CBFA2T2: variants seen among roughly 807,000 people sequenced by gnomAD.
The protein encoded by CBFA2T2 is protein CBFA2T2.
CBFA2T2 carries 11 observed loss-of-function variants against 62.2 expected under a neutral mutation model. The ratio of observed to expected loss-of-function variants is 0.18; its 90% CI spans 0.11 to 0.29. The LOEUF is 0.29. CBFA2T2 is among the 10% of genes least tolerant of loss of function. The pLI, the probability that CBFA2T2 is intolerant of heterozygous loss-of-function variation, is 1.00. For missense variants in CBFA2T2, 592 were observed against 774.1 expected (o/e 0.76, Z 2.79); for synonymous variants, 295 against 287.5 (o/e 1.03, Z -0.27).
intron 1 of CBFA2T2, among the ~76,000 whole-genome samples, chr20:33,523,365 T>TG (rs1284166433): frequency 2.0e-5 from 3 of 152,002 alleles, no homozygotes; most frequent in African/African-American, 7.2e-5. Flanking sequence ...CTGCAACCTC[T>TG]GCCTCCTGGG....
chr20:33,524,837 C>CT (rs1245337105), intron 1 of CBFA2T2, among the ~76,000 whole-genome samples: 3 of 151,780 alleles, frequency 2.0e-5, no homozygotes, highest in African/African-American at 4.8e-5. Flanking sequence ...TGACAAATAG[C>CT]TTTTTTTTGT....
At chr20:33,573,031 G>C (rs2013638848) in intron 1 of CBFA2T2, among the ~76,000 whole-genome samples, 1 of 152,110 alleles carries the variant, frequency 6.6e-6, no homozygotes, top group African/African-American at 2.4e-5. Flanking sequence ...ATTGAATGTT[G>C]AGAGGGAGAG....
intron 10 of CBFA2T2, among the ~76,000 whole-genome samples, chr20:33,643,795 ATATATATATATAT>A (rs2016942269): frequency 8.9e-5 from 2 of 22,366 alleles, no homozygotes; most frequent in African/African-American, 2.0e-4. Flanking sequence ...ATATATATAT[ATATATATATATAT>A]ATATATATAG....
At chr20:33,507,832 T>G (rs936149313) in intron 1 of CBFA2T2, among the ~76,000 whole-genome samples, 1 of 152,152 alleles carries the variant, frequency 6.6e-6, no homozygotes, top group African/African-American at 2.4e-5. Context: ...GTAGAACTGC[T>G]GGGGTTAAGG....
intron 1 of CBFA2T2, among the ~76,000 whole-genome samples, chr20:33,568,562 C>T (rs911196933): frequency 2.0e-5 from 3 of 152,140 alleles, no homozygotes; most frequent in Non-Finnish European, 2.9e-5. Flanking sequence ...CCGGCGGGCG[C>T]GTGCCTGCTC....
chr20:33,573,988 C>A, intron 1 of CBFA2T2: 1 of 589,904 alleles, frequency 1.7e-6, no homozygotes, highest in Non-Finnish European at 2.6e-6. Flanking sequence ...GGGGTTTTGC[C>A]ATGTTGCCCA....
At position 33,642,113 on chromosome 20, in the gene CBFA2T2, T is replaced by TG. The variant is rs1568875180; in HGVS notation, c.1488+1582_1488+1583insG. 7.2e-3 allele frequency among the ~76,000 whole-genome samples: 298 copies of TG among 41,266 alleles called. 2 individuals carry two copies. Among genetic ancestry groups the TG allele is most frequent in the Admixed American group, 0.029 (129 of 4,434 alleles). 27.1% of individuals were successfully genotyped at this position (41,266 alleles called of 152,430 possible). On this transcript the variant is annotated intron_variant, in intron 10 of 10. Transcript: ENST00000342704. ...CTCTCCTCCTCCTTTGTCTTTTTTT[T>TG]TTTTGTGTGTGTGTGTGTGTGTGTG...
chr20:33,494,433 C>T (rs1429130155), intron 1 of CBFA2T2, among the ~76,000 whole-genome samples: 5 of 149,704 alleles, frequency 3.3e-5, no homozygotes, highest in African/African-American at 4.9e-5. Flanking sequence ...AGGTGCCCGC[C>T]GCCACGCCTG....
At chr20:33,531,803 C>A (rs2012070411) in intron 1 of CBFA2T2, among the ~76,000 whole-genome samples, 1 of 152,172 alleles carries the variant, frequency 6.6e-6, no homozygotes, top group Non-Finnish European at 1.5e-5. Context: ...ATCCTCCAAA[C>A]CACCATTTGT....
intron 1 of CBFA2T2, among the ~76,000 whole-genome samples, chr20:33,592,382 A>ATATATATATATATAAAATTATGTAAAAAT (rs1555840419): frequency 7.0e-6 from 1 of 142,620 alleles, no homozygotes; most frequent in Non-Finnish European, 1.5e-5. Flanking sequence ...TTTTATATAT[A>ATATATATATATATAAAATTATGTAAAAAT]TATATATATA....
At chr20:33,497,101 A>G (rs545666111) in intron 1 of CBFA2T2, among the ~76,000 whole-genome samples, 1 of 151,974 alleles carries the variant, frequency 6.6e-6, no homozygotes, top group South Asian at 2.1e-4. Context: ...TGGAGAAACC[A>G]TGTCTCTACT....
chr20:33,547,687 ATGTGTG>A (rs60988030), intron 1 of CBFA2T2, among the ~76,000 whole-genome samples: 3,282 of 139,148 alleles, frequency 0.024, 189 homozygotes, highest in Admixed American at 0.14. Flanking sequence ...TCTCAAAAAA[ATGTGTG>A]TGTGTGTGTG....
intron 1 of CBFA2T2, among the ~76,000 whole-genome samples, chr20:33,583,411 CTTTATAG>C (rs1280258267): frequency 1.3e-5 from 2 of 152,172 alleles, no homozygotes; most frequent in African/African-American, 4.8e-5. Flanking sequence ...GAGTATATGA[CTTTATAG>C]TTTAAAGTTC....
intron 1 of CBFA2T2, among the ~76,000 whole-genome samples, chr20:33,558,119 G>T (rs907480022): frequency 2.7e-5 from 4 of 150,388 alleles, no homozygotes; most frequent in Non-Finnish European, 5.9e-5. Flanking sequence ...GAGCCACTGC[G>T]CCTGGGCGCG....
At chr20:33,585,156 C>T (rs1250974069) in intron 1 of CBFA2T2, among the ~76,000 whole-genome samples, 2 of 152,082 alleles carry the variant, frequency 1.3e-5, no homozygotes, top group Non-Finnish European at 1.5e-5. Context: ...GATCATGCTG[C>T]CTGTGTGTGA....
At chr20:33,550,715 G>A (rs1321903739) in intron 1 of CBFA2T2, among the ~76,000 whole-genome samples, 5 of 151,790 alleles carry the variant, frequency 3.3e-5, no homozygotes, top group East Asian at 1.9e-4. Flanking sequence ...CTCCGCTCCC[G>A]GGTTCAAGCA....
rs181311939 is a variant in CBFA2T2, at chr20:33,551,579, G to A, written c.35-55377G>A. ...TGATTCTCTCTCTGTCACCCAGTCT[G>A]GAGTGCAGTGGTGTGATCTCAGCTC... On this transcript the variant is annotated intron_variant, in intron 1 of 10. Coordinates refer to ENST00000342704, the MANE Select transcript of CBFA2T2 (RefSeq NM_001032999.3). Among the ~76,000 whole-genome samples, 636 of 152,096 alleles carry A rather than the reference G, an allele frequency of 4.2e-3. 4 individuals carry two copies. Among genetic ancestry groups the A allele is most frequent in the African/African-American group, 0.014 (590 of 41,474 alleles).
At chr20:33,523,404 C>T (rs952315676) in intron 1 of CBFA2T2, among the ~76,000 whole-genome samples, 1 of 151,870 alleles carries the variant, frequency 6.6e-6, no homozygotes, top group Non-Finnish European at 1.5e-5. Context: ...CTCAGCCTCC[C>T]ATATATGTTT....
At chr20:33,510,271 C>T (rs924747504) in intron 1 of CBFA2T2, among the ~76,000 whole-genome samples, 22 of 149,252 alleles carry the variant, frequency 1.5e-4, no homozygotes, top group East Asian at 5.9e-4. Flanking sequence ...AGTGCAGTGG[C>T]GCTATCTTGG....
Sources: gnomAD v4.1 joint callset for allele counts (sites outside exome capture counted in the v4.1 genomes callset) on GRCh38, gnomAD v4.1.1 for gene constraint, MANE v1.5 for transcripts, NCBI Gene and HGNC (gene_info 2026-07-23, HGNC 2026-07-21) for gene names.